ZAP70: variants seen among roughly 807,000 people sequenced by gnomAD.
ZAP70 encodes zeta chain of T cell receptor associated protein kinase 70.
In ZAP70, 27 loss-of-function variants were observed where a neutral mutation model predicts 65.8. The ratio of observed to expected loss-of-function variants is 0.41; its 90% CI spans 0.30 to 0.57. The LOEUF (loss-of-function observed/expected upper bound fraction) is 0.57. Ranked by LOEUF, ZAP70 falls within the 20% of genes least tolerant of loss-of-function variation. The probability of loss-of-function intolerance (pLI) is 0.28; values close to 1 mark genes in which losing one functional copy is unlikely to be tolerated. For synonymous variants in ZAP70, 363 were observed against 360.8 expected (o/e 1.01, Z -0.07); for missense variants, 696 against 870.5 (o/e 0.80, Z 2.52).
Position 97,722,697 on chromosome 2 carries a change from G to T in ZAP70, c.-21-1319G>T, listed in dbSNP as rs891346176. Among the ~76,000 whole-genome samples, 6 of 152,364 alleles carry T rather than the reference G, an allele frequency of 3.9e-5. No individual in the cohort carries two copies. In the East Asian group the frequency reaches 1.2e-3, roughly 29 times the overall value. ...CTCTGTATTTCCCCTAGGAGGGATA[G>T]TTCTATATTGCTAATTCAGTGTTTT... On this transcript the variant is annotated intron_variant, in intron 2 of 13. Coordinates refer to ENST00000264972, the MANE Select transcript of ZAP70 (RefSeq NM_001079.4).
Position 97,737,753 on chromosome 2 carries a change from C to T in ZAP70, c.1483-4C>T, listed in dbSNP as rs760467073. On this transcript the variant is annotated splice_region_variant and splice_polypyrimidine_tract_variant and intron_variant, in intron 11 of 13. Coordinates refer to ENST00000264972, the MANE Select transcript of ZAP70 (RefSeq NM_001079.4). The surrounding 1 kb of genome is among the most constrained non-coding windows in gnomAD (Gnocchi z 5.0). ...CTGATCCAGCAGCATCTCCCCCTCC[C>T]CAGGCCCGCTCAGCAGGGAAGTGGC... 1 of 1,614,134 alleles carries T rather than the reference C, an allele frequency of 6.2e-7. No homozygotes were observed. Among genetic ancestry groups the T allele is most frequent in the Admixed American group, 1.7e-5 (1 of 60,016 alleles).
rs577417174 is a variant in ZAP70 at position 97,720,469 on chromosome 2, A to C, written c.-21-3547A>C. Among the ~76,000 whole-genome samples the C allele has an allele frequency of 5.5e-4, 83 of 152,228 alleles. No individual in the cohort carries two copies. The South Asian group carries it at 9.1e-3, about 17-fold the overall frequency. On this transcript the variant is annotated intron_variant, in intron 2 of 13. Transcript: ENST00000264972. ...AGTCTCAAACTCCTGACTTTAGGTG[A>C]TCCGCCTGCCTCGGCCTCCCAAAGT...
At position 97,722,009 on chromosome 2, in the gene ZAP70, GC is replaced by G. The variant is rs1677181301; in HGVS notation, c.-21-2005del. 2.0e-5 allele frequency among the ~76,000 whole-genome samples: 3 copies of G among 151,286 alleles called. No individual in the cohort carries two copies. In the East Asian group the frequency reaches 5.9e-4, roughly 30 times the overall value. ...TGTGTTGGCCAAGATGGTCTCGAAT[GC>G]CTGACCTTGTGATCCACCTGCCTTG... On this transcript the variant is annotated intron_variant, in intron 2 of 13. Transcript: ENST00000264972.
downstream of ZAP70, among the ~76,000 whole-genome samples, chr2:97,744,091 C>T (rs141018497): frequency 2.0e-3 from 301 of 152,266 alleles, 1 homozygote; most frequent in Non-Finnish European, 3.6e-3. Context: ...GATGAGGCAC[C>T]GGAAGTTCAG....
In ZAP70 at chr2:97,734,724, C is replaced by A. The variant is rs1397871458; in HGVS notation, c.1082+12C>A. On this transcript the variant is annotated intron_variant, in intron 9 of 13. Coordinates refer to ENST00000264972, the MANE Select transcript of ZAP70 (RefSeq NM_001079.4). ...TACCGCATGCGCAAGTATGGCCGCC[C>A]CTGCCGTGGTGGGAGCACCGCCGCC... 6.2e-7 allele frequency: 1 copy of A among 1,613,074 alleles called. No homozygotes were observed. The highest frequency in any genetic ancestry group is 1.1e-5 in the South Asian group (1 of 91,076).
intron 2 of ZAP70, among the ~76,000 whole-genome samples, chr2:97,717,215 A>G (rs1573248293): frequency 6.8e-6 from 1 of 146,284 alleles, no homozygotes; most frequent in East Asian, 2.1e-4. Flanking sequence ...AGGGGTTCAG[A>G]GAGAGAGAGC....
Position 97,739,557 on chromosome 2 carries a change from C to T in ZAP70, c.*59C>T, listed in dbSNP as rs986504501. Reference sequence around the variant, plus strand: ...CTCTTCCCCACCCTCAGCCCCACCCCAGGTCCTGCAGTCTGGCTGAGCCCT... The same window carrying T: ...CTCTTCCCCACCCTCAGCCCCACCCTAGGTCCTGCAGTCTGGCTGAGCCCT... On this transcript the variant is annotated 3_prime_UTR_variant, in exon 14 of 14. Transcript: ENST00000264972. 3.2e-6 allele frequency: 5 copies of T among 1,578,682 alleles called. No individual in the cohort carries two copies. Among genetic ancestry groups the T allele is most frequent in the Non-Finnish European group, 4.3e-6 (5 of 1,162,674 alleles).
At chr2:97,726,488 AG>A (rs1677393573) in intron 4 of ZAP70, among the ~76,000 whole-genome samples, 1 of 152,220 alleles carries the variant, frequency 6.6e-6, no homozygotes, top group African/African-American at 2.4e-5. Context: ...TCTTGGCCTG[AG>A]CCCCTGCCCA....
chr2:97,721,574 T>G (rs1677155707), intron 2 of ZAP70, among the ~76,000 whole-genome samples: 1 of 136,750 alleles, frequency 7.3e-6, no homozygotes, highest in Admixed American at 7.4e-5. Context: ...CCACCATGGC[T>G]GGCTGATTTT....
the ZAP70 span, among the ~76,000 whole-genome samples, chr2:97,749,177 T>C: frequency 6.6e-6 from 1 of 151,886 alleles, no homozygotes; most frequent in Non-Finnish European, 1.5e-5. Flanking sequence ...GCCCGGCTAA[T>C]TTTTTGTATT....
At chr2:97,747,832 T>TG in the ZAP70 span, among the ~76,000 whole-genome samples, 1 of 134,670 alleles carries the variant, frequency 7.4e-6, no homozygotes, top group Non-Finnish European at 1.6e-5. Flanking sequence ...TTTTTTTTTT[T>TG]TTTTTTTTTT....
the ZAP70 span, among the ~76,000 whole-genome samples, chr2:97,746,177 T>C: frequency 6.6e-6 from 1 of 152,138 alleles, no homozygotes; most frequent in Non-Finnish European, 1.5e-5. Context: ...GAGTAGGCAA[T>C]GAGGAATCAT....
intron 9 of ZAP70, 33 bp downstream of exon 9, chr2:97,734,745 C>G: frequency 1.2e-6 from 2 of 1,610,534 alleles, no homozygotes; most frequent in Non-Finnish European, 1.7e-6. Context: ...GGGAGCACCG[C>G]CGCCTGGGGC....
At chr2:97,755,129 G>GAAAC in the ZAP70 span, among the ~76,000 whole-genome samples, 16 of 152,074 alleles carry the variant, frequency 1.1e-4, no homozygotes, top group Non-Finnish European at 1.9e-4. Flanking sequence ...ACACAGACTG[G>GAAAC]AAACAAGACA....
chr2:97,732,903 A>C lies in ZAP70; in HGVS notation c.584A>C (p.Gln195Pro). The part of the protein sequence containing the change: ...GKFLLRPRKE[Q>P]GTYALSLIYG... ...GCCAGGCTGAGGCCGCGGAAGGAGC[A>C]GGGCACATACGCCCTGTCCCTCATC... Residue 195 changes from glutamine to proline, a missense_variant, in exon 5 of 14, where the codon CAG becomes CCG. Gln to Pro is a moderately conservative substitution (Grantham distance 76). Transcript: ENST00000264972. 1.2e-6 allele frequency: 2 copies of C among 1,613,974 alleles called. No individual in the cohort carries two copies. The highest frequency in any genetic ancestry group is 2.2e-5 in the South Asian group (2 of 91,084).
At chr2:97,733,740 G>C (rs1256124247) in intron 8 of ZAP70, 145 bp downstream of exon 8, 7 of 941,580 alleles carry the variant, frequency 7.4e-6, no homozygotes, top group South Asian at 4.1e-5. Context: ...GTGCACACAT[G>C]TGCCCACACC....
intron 2 of ZAP70, among the ~76,000 whole-genome samples, chr2:97,719,068 G>C (rs1677060093): frequency 6.6e-6 from 1 of 152,170 alleles, no homozygotes; most frequent in Non-Finnish European, 1.5e-5. Flanking sequence ...TTAGGGTCTT[G>C]AGCAAGGGAG....
the ZAP70 span, among the ~76,000 whole-genome samples, chr2:97,749,565 C>T: frequency 4.6e-5 from 7 of 152,066 alleles, no homozygotes; most frequent in South Asian, 2.1e-4. Context: ...AGGGGACTGA[C>T]GGCAAAGGAA....
chr2:97,721,580 A>ATTTTTTTTTTTTTTTTTT (rs796509420), intron 2 of ZAP70, among the ~76,000 whole-genome samples: 1 of 81,164 alleles, frequency 1.2e-5, no homozygotes, highest in Non-Finnish European at 2.3e-5. Context: ...TGGCTGGCTG[A>ATTTTTTTTTTTTTTTTTT]TTTTTTTTTT....
Sources: allele counts gnomAD v4.1 joint callset (sites outside exome capture counted in the v4.1 genomes callset), GRCh38; gene constraint gnomAD v4.1.1; non-coding constraint Gnocchi (gnomAD v3.1); transcripts MANE v1.5; gene names NCBI Gene and HGNC (gene_info 2026-07-23, HGNC 2026-07-21).